The following SNX29 variants were observed in gnomAD, a reference collection of about 807,000 sequenced individuals.
SNX29 encodes the protein sorting nexin 29.
SNX29 carries 78 observed loss-of-function variants against 102.1 expected under a neutral mutation model. That is an observed-to-expected ratio of 0.76 (90% CI 0.64 to 0.92). The LOEUF (loss-of-function observed/expected upper bound fraction) is 0.92. Among genes scored for constraint, SNX29 ranks in the 40% least tolerant of loss-of-function variants. The probability of loss-of-function intolerance (pLI) is 0.00; values close to 1 mark genes in which losing one functional copy is unlikely to be tolerated. For missense variants in SNX29, 1,280 were observed against 1,061.7 expected, an observed-to-expected ratio of 1.21 and a Z score of -2.86; for synonymous variants, 580 against 414.5, an observed-to-expected ratio of 1.40 and a Z score of -4.85.
chr16:12,387,635 G>T (rs755566364), intron 16 of SNX29, among the ~76,000 whole-genome samples: 15 of 152,180 alleles, frequency 9.9e-5, no homozygotes, highest in Non-Finnish European at 2.1e-4. Flanking sequence ...AGGCGTCGTG[G>T]TGGGTGAGTA....
chr16:12,420,923 G>A (rs76602622), intron 18 of SNX29, among the ~76,000 whole-genome samples: 1,781 of 152,318 alleles, frequency 0.012, 41 homozygotes, highest in African/African-American at 0.04. Context: ...TGTCTCCTCC[G>A]CAGTTTGACA....
intron 20 of SNX29, among the ~76,000 whole-genome samples, chr16:12,564,603 CTG>C (rs1334179485): frequency 1.2e-4 from 18 of 152,072 alleles, no homozygotes; most frequent in Admixed American, 9.2e-4. Flanking sequence ...GTTTGTGAAA[CTG>C]TAACAGACCT....
At chr16:12,416,234 C>G (rs2084630769) in intron 18 of SNX29, among the ~76,000 whole-genome samples, 2 of 152,108 alleles carry the variant, frequency 1.3e-5, no homozygotes, top group Admixed American at 6.5e-5. Context: ...TAAACTGCCC[C>G]TCAAATGCAC....
chr16:12,211,981 A>G (rs2077196901), intron 14 of SNX29, among the ~76,000 whole-genome samples: 1 of 152,104 alleles, frequency 6.6e-6, no homozygotes, highest in Admixed American at 6.5e-5. Flanking sequence ...TCCACCTAGA[A>G]AGTAGTAGAG....
At chr16:12,496,074 A>C (rs2088807083) in intron 19 of SNX29, among the ~76,000 whole-genome samples, 1 of 152,238 alleles carries the variant, frequency 6.6e-6, no homozygotes, top group East Asian at 1.9e-4. Flanking sequence ...GGTTTCAGTG[A>C]GCGCAGAGGT....
intron 1 of SNX29, among the ~76,000 whole-genome samples, chr16:11,995,605 C>G (rs549374751): frequency 1.0e-4 from 15 of 147,936 alleles, no homozygotes; most frequent in Admixed American, 6.8e-4. Context: ...GAGGAGGCTG[C>G]TGACATCTCA....
chr16:12,524,759 A>G lies in SNX29; in HGVS notation c.2236A>G (p.Met746Val). The part of the protein sequence containing the change: ...KQLQNYLRSV[M>V]NKVIQMVPEF... Reference sequence around the variant, plus strand: ...GCTCCAGAATTACCTGCGCAGCGTCATGAACAAAGTCATCCAGATGGTCCC... The same window carrying G: ...GCTCCAGAATTACCTGCGCAGCGTCGTGAACAAAGTCATCCAGATGGTCCC... The change falls in exon 20 of 21, where the codon ATG becomes GTG. Residue 746 changes from methionine to valine, a missense_variant. Coordinates refer to ENST00000566228, the MANE Select transcript of SNX29 (RefSeq NM_032167.5). The G allele has an allele frequency of 6.2e-7, 1 of 1,613,874 alleles. No individual in the cohort carries two copies. The highest frequency in any genetic ancestry group is 8.5e-7 in the Non-Finnish European group (1 of 1,179,874).
rs571960250 is a variant in SNX29, at chr16:12,449,215, C to T, written c.2038-28504C>T. Among the ~76,000 whole-genome samples the T allele has an allele frequency of 4.3e-4, 66 of 151,910 alleles. 1 individual carries two copies. The highest frequency in any genetic ancestry group is 1.5e-3 in the African/African-American group (62 of 41,414). Reference sequence around the variant, plus strand: ...CTTGGTCTAGGGCATTGGAGGAACACAGAAGTTGGGTAGAATTGAGGAGAG... The same window carrying T: ...CTTGGTCTAGGGCATTGGAGGAACATAGAAGTTGGGTAGAATTGAGGAGAG... On this transcript the variant is annotated intron_variant, in intron 18 of 20. Coordinates refer to ENST00000566228, the MANE Select transcript of SNX29 (RefSeq NM_032167.5).
intron 20 of SNX29, among the ~76,000 whole-genome samples, chr16:12,543,148 A>G (rs1348160340): frequency 6.6e-6 from 1 of 152,156 alleles, no homozygotes; most frequent in African/African-American, 2.4e-5. Flanking sequence ...CCAGGCCCTG[A>G]AGCATAAGTG....
At chr16:12,325,421 A>G (rs2081085551) in intron 15 of SNX29, among the ~76,000 whole-genome samples, 1 of 152,214 alleles carries the variant, frequency 6.6e-6, no homozygotes, top group African/African-American at 2.4e-5. Flanking sequence ...GTTAATTGTG[A>G]TTCCGACTGT....
At chr16:12,366,884 G>C (rs528744392) in intron 16 of SNX29, 1 of 145,758 alleles carries the variant, frequency 6.9e-6, no homozygotes, top group African/African-American at 2.5e-5. Flanking sequence ...TCTTCCCCCT[G>C]CCTGACTCTC....
intron 14 of SNX29, among the ~76,000 whole-genome samples, chr16:12,242,716 C>A (rs1041148331): frequency 4.0e-5 from 6 of 151,434 alleles, no homozygotes; most frequent in African/African-American, 1.5e-4. Flanking sequence ...TACAATGACG[C>A]AATCACAGCT....
intron 9 of SNX29, among the ~76,000 whole-genome samples, chr16:12,062,372 G>A (rs1159920423): frequency 8.4e-6 from 1 of 118,862 alleles, no homozygotes; most frequent in Non-Finnish European, 1.7e-5. Flanking sequence ...GTGAGACTCT[G>A]TCTCAAAATA....
chr16:12,063,617 G>A (rs1033638397), intron 9 of SNX29, among the ~76,000 whole-genome samples: 1 of 151,928 alleles, frequency 6.6e-6, no homozygotes, highest in Admixed American at 6.6e-5. Context: ...GACCTCACGT[G>A]ATCCACCTCC....
intron 20 of SNX29, among the ~76,000 whole-genome samples, chr16:12,555,767 G>T (rs1202491395): frequency 1.3e-5 from 2 of 151,952 alleles, no homozygotes; most frequent in South Asian, 2.1e-4. Context: ...TAGCCTTCAG[G>T]CTGCTCAGTG....
chr16:12,350,772 A>G (rs1210895427), intron 15 of SNX29, among the ~76,000 whole-genome samples: 2 of 152,218 alleles, frequency 1.3e-5, no homozygotes, highest in African/African-American at 4.8e-5. Flanking sequence ...TGATCATTAC[A>G]GTCACCGTGG....
At chr16:12,406,040 G>C (rs4781225) in intron 18 of SNX29, among the ~76,000 whole-genome samples, 3 of 150,946 alleles carry the variant, frequency 2.0e-5, no homozygotes, top group Non-Finnish European at 3.0e-5. Flanking sequence ...CTCAAAAAAA[G>C]AAAACAAGTA....
chr16:12,487,443 GT>G (rs1319483936), intron 19 of SNX29, among the ~76,000 whole-genome samples: 1 of 152,152 alleles, frequency 6.6e-6, no homozygotes, highest in East Asian at 1.9e-4. Context: ...CATATAAAGT[GT>G]TTATAGATGA....
At chr16:12,556,921 C>CGG (rs1164166226) in intron 20 of SNX29, among the ~76,000 whole-genome samples, 8 of 128,606 alleles carry the variant, frequency 6.2e-5, no homozygotes, top group Non-Finnish European at 1.7e-5. Flanking sequence ...GGCATGATCT[C>CGG]GGCTCACTAC....
Sources: gnomAD v4.1 joint callset for allele counts (sites outside exome capture counted in the v4.1 genomes callset) on GRCh38, gnomAD v4.1.1 for gene constraint, MANE v1.5 for transcripts, NCBI Gene and HGNC (gene_info 2026-07-23, HGNC 2026-07-21) for gene names.